TWSG1: variants seen among roughly 807,000 people sequenced by gnomAD.
The protein encoded by TWSG1 is twisted gastrulation BMP signaling modulator 1.
TWSG1 carries 15 observed loss-of-function variants against 23.0 expected under a neutral mutation model. The observed-to-expected ratio is 0.65, with a 90% CI of 0.44 to 1.00. TWSG1 has a LOEUF of 1.00. Among genes scored for constraint, TWSG1 ranks in the 50% least tolerant of loss-of-function variants. The pLI is 0.00. For synonymous variants in TWSG1, 86 were observed against 92.8 expected, an observed-to-expected ratio of 0.93 and a Z score of 0.42; for missense variants, 242 against 278.7, an observed-to-expected ratio of 0.87 and a Z score of 0.94.
chr18:9,367,838 T>A (rs2040587102), intron 3 of TWSG1, among the ~76,000 whole-genome samples: 1 of 152,218 alleles, frequency 6.6e-6, no homozygotes, highest in African/African-American at 2.4e-5. Context: ...TAGTATTCCA[T>A]TGTATATAAA....
chr18:9,337,601 A>G (rs991166697), intron 2 of TWSG1, among the ~76,000 whole-genome samples: 38 of 152,316 alleles, frequency 2.5e-4, no homozygotes, highest in African/African-American at 8.9e-4. Context: ...ATGTCATTAC[A>G]AGGTGATGAG....
chr18:9,359,856 T>A, intron 2 of TWSG1, 116 bp from the exon 3 acceptor site: 3 of 645,660 alleles, frequency 4.6e-6, no homozygotes, highest in Non-Finnish European at 7.8e-6. Flanking sequence ...GAATAAAAAA[T>A]TATGTGAAGA....
At chr18:9,378,563 A>G (rs1429281734) in intron 3 of TWSG1, among the ~76,000 whole-genome samples, 1 of 152,216 alleles carries the variant, frequency 6.6e-6, no homozygotes, top group Non-Finnish European at 1.5e-5. Context: ...CTAACCAGTG[A>G]GATAAAAGAT....
chr18:9,344,081 T>G (rs12966779), intron 2 of TWSG1, among the ~76,000 whole-genome samples: 23,494 of 152,144 alleles, frequency 0.15, 2,602 homozygotes, highest in Non-Finnish European at 0.23. Context: ...AAAAAATTTT[T>G]TGTGTGTGGA....
intron 3 of TWSG1, among the ~76,000 whole-genome samples, chr18:9,394,560 TAGA>T (rs1318751992): frequency 2.6e-5 from 4 of 152,324 alleles, no homozygotes; most frequent in South Asian, 4.1e-4. Context: ...TTCAAATAGC[TAGA>T]AGAAGGATAT....
chr18:9,358,857 A>G (rs1322845263), intron 2 of TWSG1, among the ~76,000 whole-genome samples: 1 of 152,208 alleles, frequency 6.6e-6, no homozygotes, highest in Non-Finnish European at 1.5e-5. Context: ...AAAATAATAA[A>G]ATATTAATGT....
intron 3 of TWSG1, among the ~76,000 whole-genome samples, chr18:9,369,743 C>T (rs563656173): frequency 6.6e-6 from 1 of 152,220 alleles, no homozygotes; most frequent in South Asian, 2.1e-4. Context: ...GCTGCCCAGG[C>T]TCATCTCAAG....
At chr18:9,363,055 TA>T (rs2040559978) in intron 3 of TWSG1, among the ~76,000 whole-genome samples, 2 of 152,192 alleles carry the variant, frequency 1.3e-5, no homozygotes, top group Non-Finnish European at 2.9e-5. Flanking sequence ...TAAGTTGAAA[TA>T]GTCCCCATAC....
At chr18:9,388,292 G>A (rs1283278232) in intron 3 of TWSG1, 1 of 152,214 alleles carries the variant, frequency 6.6e-6, no homozygotes, top group Non-Finnish European at 1.5e-5. Context: ...ACTGTTTTAT[G>A]AAGTTCAAAG....
At chr18:9,388,848 C>A (rs1238432123) in intron 3 of TWSG1, among the ~76,000 whole-genome samples, 1 of 152,144 alleles carries the variant, frequency 6.6e-6, no homozygotes, top group Non-Finnish European at 1.5e-5. Context: ...TGTCACCATG[C>A]CTGGCTGAAA....
rs532639399 is a variant in TWSG1, at chr18:9,338,039, C to G, written c.123+687C>G. ...AGTAATGTGGCTAAGTTAACAGGCT[C>G]GTATTGAACTCCTGATTAGCTTCCT... On this transcript the variant is annotated intron_variant, in intron 2 of 4. Coordinates refer to ENST00000262120, the MANE Select transcript of TWSG1 (RefSeq NM_020648.6). 5.3e-5 allele frequency among the ~76,000 whole-genome samples: 8 copies of G among 152,296 alleles called. No individual in the cohort carries two copies. In the South Asian group the frequency reaches 1.2e-3, roughly 24 times the overall value.
chr18:9,396,695 G>A, intron 4 of TWSG1, 149 bp downstream of exon 4: 1 of 966,248 alleles, frequency 1.0e-6, no homozygotes, highest in Non-Finnish European at 1.5e-6. Flanking sequence ...CAATAACCCT[G>A]ATCCCATCAT....
At chr18:9,335,949 G>A (rs932202749) in intron 1 of TWSG1, among the ~76,000 whole-genome samples, 4 of 152,136 alleles carry the variant, frequency 2.6e-5, no homozygotes, top group Admixed American at 2.0e-4. Context: ...TTAACCTGAA[G>A]AAATGATATC....
chr18:9,366,221 C>T (rs768190690), intron 3 of TWSG1, among the ~76,000 whole-genome samples: 1 of 152,190 alleles, frequency 6.6e-6, no homozygotes, highest in Non-Finnish European at 1.5e-5. Flanking sequence ...AGCTCCAAGA[C>T]CAGGCTGTGA....
At chr18:9,341,356 TC>T (rs1481574951) in intron 2 of TWSG1, among the ~76,000 whole-genome samples, 2 of 152,198 alleles carry the variant, frequency 1.3e-5, no homozygotes, top group Non-Finnish European at 2.9e-5. Flanking sequence ...TCTCTTTTTT[TC>T]ATCAGAGTAA....
At chr18:9,388,073 G>A (rs1474904592) in intron 3 of TWSG1, 1 of 152,152 alleles carries the variant, frequency 6.6e-6, no homozygotes, top group Non-Finnish European at 1.5e-5. Context: ...CATGCCACTT[G>A]ACAATGAAGG....
chr18:9,356,500 A>G (rs2040527461), intron 2 of TWSG1, among the ~76,000 whole-genome samples: 1 of 152,240 alleles, frequency 6.6e-6, no homozygotes, highest in Admixed American at 6.5e-5. Context: ...ATTCATTTAA[A>G]AAAATTATTT....
chr18:9,382,489 C>T (rs1480662777), intron 3 of TWSG1, among the ~76,000 whole-genome samples: 1 of 151,808 alleles, frequency 6.6e-6, no homozygotes, highest in Non-Finnish European at 1.5e-5. Flanking sequence ...GGCCACTGCA[C>T]TCCAGCCTAG....
intron 2 of TWSG1, among the ~76,000 whole-genome samples, chr18:9,344,207 T>G (rs1303791601): frequency 1.3e-5 from 2 of 152,188 alleles, no homozygotes; most frequent in African/African-American, 4.8e-5. Context: ...CAGACAACCC[T>G]GGATGTATCT....
Sources: allele counts gnomAD v4.1 joint callset (sites outside exome capture counted in the v4.1 genomes callset), GRCh38; gene constraint gnomAD v4.1.1; transcripts MANE v1.5; gene names NCBI Gene and HGNC (gene_info 2026-07-23, HGNC 2026-07-21).